The following NRXN3 variants were observed in gnomAD, a reference collection of about 807,000 sequenced individuals.
NRXN3 encodes neurexin III.
Under a neutral mutation model 137.6 loss-of-function variants are expected in NRXN3, and 32 were observed. The observed-to-expected ratio is 0.23, with a 90% CI of 0.18 to 0.31. The LOEUF (loss-of-function observed/expected upper bound fraction) is 0.31. NRXN3 is among the 10% of genes least tolerant of loss of function. NRXN3 has a pLI of 1.00. For missense variants in NRXN3, 1,574 were observed against 2,062.5 expected (o/e 0.76, Z 4.59); for synonymous variants, 798 against 784.5 (o/e 1.02, Z -0.29).
intron 19 of NRXN3, among the ~76,000 whole-genome samples, chr14:79,762,172 C>T (rs2099040958): frequency 6.6e-6 from 1 of 151,538 alleles, no homozygotes. Context: ...AGGAATCAGT[C>T]TGGGTGACTT....
intron 10 of NRXN3, among the ~76,000 whole-genome samples, chr14:78,820,166 T>C (rs1451081124): frequency 1.3e-5 from 2 of 151,470 alleles, no homozygotes; most frequent in African/African-American, 2.4e-5. Flanking sequence ...GGTAACAAGA[T>C]AAATGTATTA....
intron 8 of NRXN3, among the ~76,000 whole-genome samples, chr14:78,758,392 A>G (rs2098678346): frequency 6.6e-6 from 1 of 152,230 alleles, no homozygotes; most frequent in Non-Finnish European, 1.5e-5. Context: ...ATGACAGCTG[A>G]GTGGTACTTC....
At chr14:78,814,980 C>A (rs769043648) in intron 10 of NRXN3, among the ~76,000 whole-genome samples, 1 of 152,188 alleles carries the variant, frequency 6.6e-6, no homozygotes, top group Admixed American at 6.5e-5. Context: ...TCAACTTTTT[C>A]TTTCTTTTTC....
intron 5 of NRXN3, among the ~76,000 whole-genome samples, chr14:78,646,902 C>A (rs1300715267): frequency 6.6e-6 from 1 of 152,210 alleles, no homozygotes; most frequent in Non-Finnish European, 1.5e-5. Context: ...CACATAAGGG[C>A]TTGTTACATG....
chr14:78,921,757 A>G (rs1235906161), intron 10 of NRXN3, among the ~76,000 whole-genome samples: 1 of 152,240 alleles, frequency 6.6e-6, no homozygotes, highest in African/African-American at 2.4e-5. Flanking sequence ...GATACATGAA[A>G]TTTTAAATTC....
At chr14:79,726,833 GAC>G (rs2098893001) in intron 19 of NRXN3, among the ~76,000 whole-genome samples, 1 of 152,094 alleles carries the variant, frequency 6.6e-6, no homozygotes, top group South Asian at 2.1e-4. Context: ...CATATAGTAT[GAC>G]AGTTTTATTT....
At chr14:78,536,358 C>T (rs527782363) in intron 4 of NRXN3, among the ~76,000 whole-genome samples, 6 of 152,262 alleles carry the variant, frequency 3.9e-5, no homozygotes, top group Admixed American at 2.0e-4. Context: ...CCCCGCATCA[C>T]GTTCCTAATA....
At chr14:79,656,076 G>A (rs1391729441) in intron 16 of NRXN3, among the ~76,000 whole-genome samples, 2 of 152,188 alleles carry the variant, frequency 1.3e-5, no homozygotes, top group Non-Finnish European at 2.9e-5. Flanking sequence ...GGTGTAAGAT[G>A]TTCTGGAAAA....
At chr14:79,288,867 A>C (rs1336755034) in intron 15 of NRXN3, among the ~76,000 whole-genome samples, 2 of 152,248 alleles carry the variant, frequency 1.3e-5, no homozygotes, top group Non-Finnish European at 2.9e-5. Context: ...TAAAAGGAGC[A>C]GACTGATGAA....
chr14:79,152,211 T>A (rs2059861369), intron 15 of NRXN3, among the ~76,000 whole-genome samples: 1 of 152,090 alleles, frequency 6.6e-6, no homozygotes, highest in Non-Finnish European at 1.5e-5. Flanking sequence ...AGCGATAGAA[T>A]GCTTTTGCAT....
intron 4 of NRXN3, among the ~76,000 whole-genome samples, chr14:78,494,254 A>T (rs1016087836): frequency 6.6e-6 from 1 of 152,164 alleles, no homozygotes; most frequent in Non-Finnish European, 1.5e-5. Context: ...CATTAGTCCA[A>T]TATAGGTATT....
intron 4 of NRXN3, among the ~76,000 whole-genome samples, chr14:78,465,204 A>G (rs530467064): frequency 1.3e-5 from 2 of 152,228 alleles, no homozygotes; most frequent in Admixed American, 6.5e-5. Context: ...ATTAAAAGAA[A>G]ATTTAGATGA....
At chr14:78,494,329 G>A (rs188016885) in intron 4 of NRXN3, among the ~76,000 whole-genome samples, 1 of 151,868 alleles carries the variant, frequency 6.6e-6, no homozygotes, top group Non-Finnish European at 1.5e-5. Context: ...AAATGTTCAA[G>A]TCCTAATCAC....
intron 15 of NRXN3, among the ~76,000 whole-genome samples, chr14:79,041,138 G>T (rs543759847): frequency 9.5e-4 from 144 of 152,188 alleles, no homozygotes; most frequent in Middle Eastern, 6.8e-3. Flanking sequence ...TGTTGACTTT[G>T]GGCTATGTGC....
chr14:79,701,853 A>T (rs1241028866), intron 19 of NRXN3, among the ~76,000 whole-genome samples: 1 of 152,116 alleles, frequency 6.6e-6, no homozygotes, highest in South Asian at 2.1e-4. Context: ...GCTATGTTAT[A>T]TGATTGTCAT....
At position 79,398,419 on chromosome 14, in the gene NRXN3, T is replaced by C. The variant is rs1428899242; in HGVS notation, c.3263-68802T>C. 2.0e-5 allele frequency among the ~76,000 whole-genome samples: 3 copies of C among 152,102 alleles called. No individual in the cohort carries two copies. The East Asian group carries it at 5.8e-4, about 29-fold the overall frequency. ...AAAAATGAAACCATTTGAACACAAA[T>C]CATGTCTTTCACTAAGACCCAGACA... is the stretch of plus-strand genomic sequence containing the variant. On this transcript the variant is annotated intron_variant, in intron 15 of 20. Coordinates refer to ENST00000335750, the MANE Select transcript of NRXN3 (RefSeq NM_001330195.2).
At chr14:78,855,319 A>C (rs1038272344) in intron 10 of NRXN3, among the ~76,000 whole-genome samples, 5 of 152,218 alleles carry the variant, frequency 3.3e-5, no homozygotes, top group African/African-American at 9.6e-5. Context: ...ACTTTGGTAA[A>C]GTTCAGTAAA....
chr14:79,655,888 A>G (rs1368284142), intron 16 of NRXN3, among the ~76,000 whole-genome samples: 1 of 152,168 alleles, frequency 6.6e-6, no homozygotes, highest in Non-Finnish European at 1.5e-5. Flanking sequence ...AAACTTTAGC[A>G]TCTGAATCAA....
intron 16 of NRXN3, among the ~76,000 whole-genome samples, chr14:79,480,141 A>G (rs1258638179): frequency 6.6e-6 from 1 of 152,188 alleles, no homozygotes; most frequent in Non-Finnish European, 1.5e-5. Flanking sequence ...TTGGTCTGTT[A>G]GCTTCTAATG....
Sources: allele counts gnomAD v4.1 joint callset (sites outside exome capture counted in the v4.1 genomes callset), GRCh38; gene constraint gnomAD v4.1.1; transcripts MANE v1.5; gene names NCBI Gene and HGNC (gene_info 2026-07-23, HGNC 2026-07-21).